The following PITPNC1 variants were observed in gnomAD, a reference collection of about 807,000 sequenced individuals.
PITPNC1 encodes cytoplasmic phosphatidylinositol transfer protein 1.
In PITPNC1, 18 loss-of-function variants were observed where a neutral mutation model predicts 44.7. The observed-to-expected ratio is 0.40, with a 90% CI of 0.28 to 0.60. The LOEUF is 0.60. PITPNC1 is among the 20% of genes least tolerant of loss of function. The pLI is 0.39. For synonymous variants in PITPNC1, 141 were observed against 149.6 expected (o/e 0.94, Z 0.42); for missense variants, 290 against 418.4 (o/e 0.69, Z 2.68).
intron 1 of PITPNC1, among the ~76,000 whole-genome samples, chr17:67,460,980 G>A (rs1002367960): frequency 6.6e-6 from 1 of 152,018 alleles, no homozygotes; most frequent in Non-Finnish European, 1.5e-5. Context: ...GACCTCAGGT[G>A]ATCCACCTGC....
chr17:67,390,949 A>G (rs2038128962), intron 1 of PITPNC1, among the ~76,000 whole-genome samples: 1 of 152,190 alleles, frequency 6.6e-6, no homozygotes, highest in East Asian at 1.9e-4. Context: ...GCACTTTGAC[A>G]AAGGGGACTC....
intron 6 of PITPNC1, among the ~76,000 whole-genome samples, chr17:67,643,896 G>T (rs1283748054): frequency 6.6e-6 from 1 of 152,176 alleles, no homozygotes; most frequent in Non-Finnish European, 1.5e-5. Context: ...TGTGTCTTTG[G>T]AAAGTGGCCA....
chr17:67,630,702 C>T (rs1041814305), intron 5 of PITPNC1, among the ~76,000 whole-genome samples: 2 of 151,920 alleles, frequency 1.3e-5, no homozygotes, highest in Non-Finnish European at 2.9e-5. Context: ...CTTAATTTTT[C>T]CACTGAAATT....
chr17:67,662,605 T>C (rs569602356), intron 6 of PITPNC1, among the ~76,000 whole-genome samples: 42 of 152,284 alleles, frequency 2.8e-4, no homozygotes, highest in African/African-American at 9.6e-4. Context: ...TTCCCCCAGC[T>C]TTAGGCAACC....
chr17:67,538,672 A>G (rs2040563086), intron 2 of PITPNC1, among the ~76,000 whole-genome samples: 1 of 152,210 alleles, frequency 6.6e-6, no homozygotes, highest in Non-Finnish European at 1.5e-5. Flanking sequence ...TCAGAAGAAA[A>G]TATATGTAAA....
At chr17:67,683,498 T>C (rs1269602902) in intron 8 of PITPNC1, among the ~76,000 whole-genome samples, 1 of 152,178 alleles carries the variant, frequency 6.6e-6, no homozygotes, top group Non-Finnish European at 1.5e-5. Context: ...TTCATACACA[T>C]TTATAGTCTG....
intron 1 of PITPNC1, among the ~76,000 whole-genome samples, chr17:67,428,326 C>T (rs560620288): frequency 6.6e-6 from 1 of 152,034 alleles, no homozygotes; most frequent in African/African-American, 2.4e-5. Context: ...ATCACTTGAG[C>T]CCAGGAGTTC....
At chr17:67,585,118 G>GGA (rs1430985380) in intron 5 of PITPNC1, among the ~76,000 whole-genome samples, 5 of 82,080 alleles carry the variant, frequency 6.1e-5, no homozygotes, top group African/African-American at 2.2e-4. Context: ...CTCCATCTCA[G>GGA]AAAAAAAAAA....
chr17:67,534,271 C>T (rs1783563130), intron 2 of PITPNC1, among the ~76,000 whole-genome samples: 2 of 152,206 alleles, frequency 1.3e-5, no homozygotes, highest in Admixed American at 1.3e-4. Context: ...TCCTATACTC[C>T]TATCCAGCCC....
At chr17:67,426,032 A>G (rs2038760305) in intron 1 of PITPNC1, among the ~76,000 whole-genome samples, 1 of 152,220 alleles carries the variant, frequency 6.6e-6, no homozygotes, top group Non-Finnish European at 1.5e-5. Context: ...TGATCACTTC[A>G]TAGACCATCA....
At chr17:67,642,603 A>T (rs1414167277) in intron 6 of PITPNC1, among the ~76,000 whole-genome samples, 4 of 152,118 alleles carry the variant, frequency 2.6e-5, no homozygotes, top group Admixed American at 2.6e-4. Context: ...TGGCATGGCA[A>T]CTCACTTCCC....
intron 1 of PITPNC1, among the ~76,000 whole-genome samples, chr17:67,405,979 G>A: frequency 6.6e-6 from 1 of 152,032 alleles, no homozygotes; most frequent in East Asian, 1.9e-4. Context: ...AGATGATTTA[G>A]TCTTCAATAA....
At chr17:67,426,995 T>C (rs1466631689) in intron 1 of PITPNC1, among the ~76,000 whole-genome samples, 1 of 152,154 alleles carries the variant, frequency 6.6e-6, no homozygotes, top group African/African-American at 2.4e-5. Context: ...ACCTCTCCTT[T>C]GCAGCAAACA....
At chr17:67,557,543 C>A (rs1003335320) in intron 4 of PITPNC1, among the ~76,000 whole-genome samples, 1 of 152,110 alleles carries the variant, frequency 6.6e-6, no homozygotes, top group African/African-American at 2.4e-5. Flanking sequence ...ATTTTCCATC[C>A]CAAATATAGG....
intron 1 of PITPNC1, among the ~76,000 whole-genome samples, chr17:67,384,414 G>A (rs2038009502): frequency 6.8e-6 from 1 of 147,078 alleles, no homozygotes; most frequent in Non-Finnish European, 1.5e-5. Flanking sequence ...ATGCCCAACA[G>A]TGTTCCTTGT....
chr17:67,507,638 C>T (rs2040122555), intron 1 of PITPNC1, among the ~76,000 whole-genome samples: 1 of 134,866 alleles, frequency 7.4e-6, no homozygotes, highest in Non-Finnish European at 1.5e-5. Flanking sequence ...GCGCTGGGAT[C>T]GTACTGCTGC....
At chr17:67,554,406 C>T (rs1167104284) in intron 4 of PITPNC1, among the ~76,000 whole-genome samples, 1 of 151,946 alleles carries the variant, frequency 6.6e-6, no homozygotes, top group Non-Finnish European at 1.5e-5. Context: ...TACAGGTGTG[C>T]ACCACCACGC....
In PITPNC1 at chr17:67,411,359, G is replaced by A. The variant is rs147976196; in HGVS notation, c.48+33157G>A. Among the ~76,000 whole-genome samples, 733 of 152,238 alleles carry A rather than the reference G, an allele frequency of 4.8e-3. 6 individuals are homozygous for A. The highest frequency in any genetic ancestry group is 0.016 in the African/African-American group (671 of 41,550). ...CAAATCTACAGCTTATAAAGAAAGC[G>A]AGTTGTCCTGGAAAGCGCAGCACAT... On this transcript the variant is annotated intron_variant, in intron 1 of 8. Transcript: ENST00000581322.
At chr17:67,390,267 G>A (rs1005790840) in intron 1 of PITPNC1, among the ~76,000 whole-genome samples, 5 of 152,174 alleles carry the variant, frequency 3.3e-5, no homozygotes, top group Non-Finnish European at 7.4e-5. Flanking sequence ...TACTTAGAGG[G>A]AAAAAAGTAA....
Sources: gnomAD v4.1 joint callset for allele counts (sites outside exome capture counted in the v4.1 genomes callset) on GRCh38, gnomAD v4.1.1 for gene constraint, MANE v1.5 for transcripts, NCBI Gene and HGNC (gene_info 2026-07-23, HGNC 2026-07-21) for gene names.